The following SMIM13 variants were observed in gnomAD, a reference collection of about 807,000 sequenced individuals.
SMIM13 encodes the protein small integral membrane protein 13, also known as UPF0766 protein C6orf228.
In SMIM13, 3 loss-of-function variants were observed where a neutral mutation model predicts 5.9. That is an observed-to-expected ratio of 0.51 (90% CI 0.23 to 1.31). The LOEUF (loss-of-function observed/expected upper bound fraction) is 1.31, where lower values mean the gene tolerates loss of function less well. Among genes scored for constraint, SMIM13 ranks in the 40% most tolerant of loss-of-function variants. The pLI is 0.18. For missense variants in SMIM13, 85 were observed against 109.9 expected, an observed-to-expected ratio of 0.77 and a Z score of 1.01; for synonymous variants, 55 against 46.0, an observed-to-expected ratio of 1.19 and a Z score of -0.79.
At chr6:11,117,317 C>T (rs1268365341) in intron 1 of SMIM13, among the ~76,000 whole-genome samples, 2 of 143,866 alleles carry the variant, frequency 1.4e-5, no homozygotes, top group African/African-American at 2.6e-5. Context: ...GCGCCCGCCA[C>T]TACGCCCGGC....
chr6:11,136,737 T>TA lies in SMIM13; in HGVS notation c.*2136dup, dbSNP rs1165045322. 6.6e-6 allele frequency: 1 copy of TA among 152,196 alleles called. No homozygotes were observed. Among genetic ancestry groups the TA allele is most frequent in the East Asian group, 1.9e-4 (1 of 5,188 alleles). The allele number at this position is 152,196 out of a possible 1,614,324, so 9.4% of individuals were successfully genotyped here. A position where few individuals can be genotyped will look rare whatever the true frequency, so the allele number is the denominator to read the frequency against. ...ACAATTTTCTATTTTTATGTGACTC[T>TA]AGGGCATAACAAAACAGTGACAGTT... On this transcript the variant is annotated 3_prime_UTR_variant, in exon 2 of 2. Transcript: ENST00000416247.
At chr6:11,113,874 G>A (rs984719149) in intron 1 of SMIM13, among the ~76,000 whole-genome samples, 2 of 151,574 alleles carry the variant, frequency 1.3e-5, no homozygotes, top group Non-Finnish European at 2.9e-5. Flanking sequence ...ACCGCACCCG[G>A]CTGCCTTTTT....
intron 1 of SMIM13, among the ~76,000 whole-genome samples, chr6:11,114,541 A>T (rs1475821411): frequency 1.9e-5 from 2 of 106,852 alleles, no homozygotes; most frequent in Admixed American, 1.1e-4. Flanking sequence ...TGGATATTGG[A>T]TTTTTTTTTT....
chr6:11,104,739 C>T (rs752953220), intron 1 of SMIM13: 20 of 1,614,042 alleles, frequency 1.2e-5, no homozygotes, highest in South Asian at 3.3e-5. Flanking sequence ...CTGGCAAAAC[C>T]GGCTGGATTT....
chr6:11,094,170 C>A lies in SMIM13; in HGVS notation c.-144C>A, dbSNP rs2113632779. 5.6e-6 allele frequency: 1 copy of A among 179,826 alleles called. No homozygotes were observed. Among genetic ancestry groups the A allele is most frequent in the Non-Finnish European group, 1.1e-5 (1 of 93,642 alleles). 11.1% of individuals were successfully genotyped at this position (179,826 alleles called of 1,614,324 possible). A position where few individuals can be genotyped will look rare whatever the true frequency, so the allele number is the denominator to read the frequency against. ...TGCGCCGCCCCACCCCCTGGGGGCG[C>A]TGCCGAGGGGGCGCCAGCCGCCCAT... On this transcript the variant is annotated 5_prime_UTR_variant, in exon 1 of 2. In the 5' UTR this introduces an upstream ATG that the reference lacks. Coordinates refer to ENST00000416247, the MANE Select transcript of SMIM13 (RefSeq NM_001135575.2).
At chr6:11,103,751 G>T in intron 1 of SMIM13, 1 of 1,551,668 alleles carries the variant, frequency 6.4e-7, no homozygotes, top group East Asian at 2.4e-5. Flanking sequence ...GATTCGTCTG[G>T]AGCTTTATGG....
intron 1 of SMIM13, among the ~76,000 whole-genome samples, chr6:11,108,780 TC>T (rs373824569): frequency 6.6e-5 from 10 of 152,326 alleles, no homozygotes; most frequent in African/African-American, 2.2e-4. Flanking sequence ...TTCTGGTGTT[TC>T]CTCCTAATAT....
chr6:11,094,349 C>G lies in SMIM13; in HGVS notation c.36C>G (p.Phe12Leu). 1 of 1,536,648 alleles carries G rather than the reference C, an allele frequency of 6.5e-7. No homozygotes were observed. Among genetic ancestry groups the G allele is most frequent in the Non-Finnish European group, 8.7e-7 (1 of 1,143,586 alleles). The change falls in exon 1 of 2, where the codon TTC (phenylalanine) becomes TTG (leucine). Residue 12 changes from phenylalanine to leucine, a missense_variant. Physicochemically the swap from Phe to Leu is conservative, Grantham distance 22 (BLOSUM62 0). Transcript: ENST00000416247. ...WHSVGLTLLV[F>L]VATLLIVLLL... ...GCGTCGGGCTGACTCTGCTTGTGTT[C>G]GTGGCCACGCTGCTGATCGTCCTGC...
At chr6:11,104,675 A>G (rs764409358) in intron 1 of SMIM13, 2 of 1,614,246 alleles carry the variant, frequency 1.2e-6, no homozygotes, top group Non-Finnish European at 1.7e-6. Flanking sequence ...GACATTGGTT[A>G]TAATCAGCAG....
intron 1 of SMIM13, chr6:11,103,661 G>A (rs367803321): frequency 2.0e-5 from 30 of 1,512,724 alleles, no homozygotes; most frequent in African/African-American, 2.8e-5. Flanking sequence ...CGCCTCTGTC[G>A]TGTTCCACTA....
intron 1 of SMIM13, among the ~76,000 whole-genome samples, chr6:11,100,292 C>G (rs1757974024): frequency 6.6e-6 from 1 of 152,118 alleles, no homozygotes; most frequent in South Asian, 2.1e-4. Flanking sequence ...GATCTGCTGA[C>G]CTCGTGATCC....
At chr6:11,132,425 G>A (rs1035566077) in intron 1 of SMIM13, among the ~76,000 whole-genome samples, 1 of 152,104 alleles carries the variant, frequency 6.6e-6, no homozygotes, top group Non-Finnish European at 1.5e-5. Context: ...CGAGATAAAT[G>A]AAAACATATG....
intron 1 of SMIM13, among the ~76,000 whole-genome samples, chr6:11,116,121 G>A (rs1450728915): frequency 7.2e-6 from 1 of 139,320 alleles, no homozygotes; most frequent in East Asian, 2.3e-4. Flanking sequence ...AGGTTCAAGC[G>A]ATTCTCGTGC....
Position 11,135,714 on chromosome 6 carries a change from T to A in SMIM13, c.*1112T>A, listed in dbSNP as rs1758509602. The A allele has an allele frequency of 1.3e-5, 2 of 152,656 alleles. No homozygotes were observed. The highest frequency in any genetic ancestry group is 6.5e-5 in the Admixed American group (1 of 15,300). 9.5% of individuals were successfully genotyped at this position (152,656 alleles called of 1,614,324 possible). On this transcript the variant is annotated 3_prime_UTR_variant, in exon 2 of 2. Transcript: ENST00000416247. ...AAGTTATAATTATAACTTAACCAAT[T>A]TATTTCACACATTTTCTTTACATAT...
intron 1 of SMIM13, among the ~76,000 whole-genome samples, chr6:11,113,371 A>G (rs985900238): frequency 2.0e-5 from 3 of 152,290 alleles, no homozygotes; most frequent in African/African-American, 7.2e-5. Context: ...ATTAATGACT[A>G]ATTATTTTCA....
chr6:11,135,841 G>A lies in SMIM13; in HGVS notation c.*1239G>A, dbSNP rs979193441. The A allele has an allele frequency of 6.6e-6, 1 of 152,138 alleles. No individual in the cohort carries two copies. 9.4% of individuals were successfully genotyped at this position (152,138 alleles called of 1,614,324 possible). ...AAAGCATTGTGTCATAGTTTAATGG[G>A]CAGTGTTTTTTCTTAGTGATACATA... On this transcript the variant is annotated 3_prime_UTR_variant, in exon 2 of 2. Coordinates refer to ENST00000416247, the MANE Select transcript of SMIM13 (RefSeq NM_001135575.2).
rs68092921 is a variant in SMIM13 at position 11,116,982 on chromosome 6, C to CTTTTTTTTTTTTTTTTTTTT, written c.77-17413_77-17394dup. 6.5e-5 allele frequency among the ~76,000 whole-genome samples: 3 copies of CTTTTTTTTTTTTTTTTTTTT among 46,446 alleles called. 1 individual carries two copies. Among genetic ancestry groups the CTTTTTTTTTTTTTTTTTTTT allele is most frequent in the African/African-American group, 9.0e-5 (1 of 11,170 alleles). 30.5% of individuals were successfully genotyped at this position (46,446 alleles called of 152,430 possible). ...AATAGACATTTAATGATAATTGTTT[C>CTTTTTTTTTTTTTTTTTTTT]TTTTTTTTTTTTTTTTTTTTTTTTT... On this transcript the variant is annotated intron_variant, in intron 1 of 1. Coordinates refer to ENST00000416247, the MANE Select transcript of SMIM13 (RefSeq NM_001135575.2).
In SMIM13 at chr6:11,134,904, A is replaced by T; in HGVS notation, c.*302A>T. On this transcript the variant is annotated 3_prime_UTR_variant, in exon 2 of 2. Transcript: ENST00000416247. ...GTAAACATTAAAGGCTTGAAAAACC[A>T]TATTTTGTTAGCCCTAAAATGTACA... 5.1e-6 allele frequency: 1 copy of T among 196,898 alleles called. No individual in the cohort carries two copies. Among genetic ancestry groups the T allele is most frequent in the East Asian group, 1.1e-4 (1 of 8,762 alleles). The allele number at this position is 196,898 out of a possible 1,614,324, so 12.2% of individuals were successfully genotyped here. A position where few individuals can be genotyped will look rare whatever the true frequency, so the allele number is the denominator to read the frequency against.
rs1757890463 is a variant in SMIM13, at chr6:11,094,200, C to G, written c.-114C>G. 6.1e-6 allele frequency: 2 copies of G among 325,530 alleles called. No individual in the cohort carries two copies. Among genetic ancestry groups the G allele is most frequent in the Non-Finnish European group, 8.8e-6 (2 of 226,322 alleles). 20.2% of individuals were successfully genotyped at this position (325,530 alleles called of 1,614,324 possible). A position where few individuals can be genotyped will look rare whatever the true frequency, so the allele number is the denominator to read the frequency against. On this transcript the variant is annotated 5_prime_UTR_variant, in exon 1 of 2. Coordinates refer to ENST00000416247, the MANE Select transcript of SMIM13 (RefSeq NM_001135575.2). ...GAGGGGGCGCCAGCCGCCCATGCCG[C>G]CCCGGCGCCCAGCCGCGCCTGGCGC... is the stretch of plus-strand genomic sequence containing the variant.
Sources: gnomAD v4.1 joint callset for allele counts (sites outside exome capture counted in the v4.1 genomes callset) on GRCh38, gnomAD v4.1.1 for gene constraint, MANE v1.5 for transcripts, NCBI Gene and HGNC (gene_info 2026-07-23, HGNC 2026-07-21) for gene names.